Variants in STIL observed in about 807,000 individuals in gnomAD.
The protein encoded by STIL is SCL-interrupting locus protein.
Under a neutral mutation model 110.1 loss-of-function variants are expected in STIL, and 55 were observed. The ratio of observed to expected loss-of-function variants is 0.50; its 90% CI spans 0.40 to 0.63. The LOEUF is 0.63. Among genes scored for constraint, STIL ranks in the 20% least tolerant of loss-of-function variants. The probability of loss-of-function intolerance (pLI) is 0.00; values close to 1 mark genes in which losing one functional copy is unlikely to be tolerated. For synonymous variants in STIL, 481 were observed against 530.0 expected, an observed-to-expected ratio of 0.91 and a Z score of 1.27; for missense variants, 1,358 against 1,530.0, an observed-to-expected ratio of 0.89 and a Z score of 1.87.
intron 3 of STIL, 22 bp downstream of exon 3, chr1:47,304,867 G>GA: frequency 1.3e-6 from 2 of 1,536,112 alleles, no homozygotes; most frequent in Non-Finnish European, 1.8e-6. Context: ...GGCTTGATTT[G>GA]AAAAAAAGAA....
intron 16 of STIL, among the ~76,000 whole-genome samples, chr1:47,258,651 T>C (rs1338575596): frequency 6.6e-6 from 1 of 152,102 alleles, no homozygotes; most frequent in Non-Finnish European, 1.5e-5. Flanking sequence ...GGAAGATTGC[T>C]TGAGTCTAAG....
chr1:47,306,474 G>A (rs1420806804), intron 2 of STIL, among the ~76,000 whole-genome samples: 1 of 152,020 alleles, frequency 6.6e-6, no homozygotes, highest in Admixed American at 6.6e-5. Flanking sequence ...GGCTGGTCTT[G>A]AACTCATGGT....
chr1:47,268,797 T>C (rs1644733461), intron 14 of STIL, among the ~76,000 whole-genome samples: 2 of 148,176 alleles, frequency 1.3e-5, no homozygotes, highest in Non-Finnish European at 3.0e-5. Flanking sequence ...ATAAATTAAA[T>C]AAAAGAAATT....
At chr1:47,267,975 A>G (rs1644703807) in intron 14 of STIL, among the ~76,000 whole-genome samples, 1 of 152,212 alleles carries the variant, frequency 6.6e-6, no homozygotes, top group Admixed American at 6.5e-5. Flanking sequence ...AAATCACCAT[A>G]TACAATCAGT....
At chr1:47,292,483 G>A (rs1570226908) in intron 8 of STIL, among the ~76,000 whole-genome samples, 1 of 152,112 alleles carries the variant, frequency 6.6e-6, no homozygotes, top group East Asian at 1.9e-4. Context: ...ACCACTATCT[G>A]CAAGACAAAA....
chr1:47,268,471 T>C (rs1263422301), intron 14 of STIL, among the ~76,000 whole-genome samples: 4 of 151,632 alleles, frequency 2.6e-5, no homozygotes, highest in Non-Finnish European at 4.4e-5. Flanking sequence ...TAAAATAAAA[T>C]AGGCTGGGCA....
intron 12 of STIL, among the ~76,000 whole-genome samples, chr1:47,277,488 G>A (rs1417457130): frequency 1.3e-5 from 2 of 152,158 alleles, no homozygotes; most frequent in African/African-American, 4.8e-5. Context: ...AACAAACAAC[G>A]ACGGTATGGT....
intron 16 of STIL, among the ~76,000 whole-genome samples, chr1:47,254,461 T>C (rs1009062141): frequency 1.3e-5 from 2 of 152,156 alleles, no homozygotes; most frequent in East Asian, 3.8e-4. Context: ...TGTAAATAAT[T>C]TGATAAAAGC....
chr1:47,256,252 G>A (rs1644323771), intron 16 of STIL, among the ~76,000 whole-genome samples: 1 of 152,156 alleles, frequency 6.6e-6, no homozygotes, highest in South Asian at 2.1e-4. Context: ...ACCTGAGTAG[G>A]AGGAATGTCG....
chr1:47,285,756 G>A (rs1224891102), intron 10 of STIL, among the ~76,000 whole-genome samples: 1 of 152,040 alleles, frequency 6.6e-6, no homozygotes, highest in East Asian at 1.9e-4. Flanking sequence ...ACCGGGCCTG[G>A]CCGAGAATAT....
intron 4 of STIL, 91 bp downstream of exon 4, chr1:47,302,143 A>T: frequency 1.1e-6 from 1 of 924,272 alleles, no homozygotes. Flanking sequence ...CTGGTCTTAA[A>T]CTCCTAGGTT....
chr1:47,257,845 T>C (rs182544215), intron 16 of STIL, among the ~76,000 whole-genome samples: 2 of 152,352 alleles, frequency 1.3e-5, no homozygotes, highest in Admixed American at 6.5e-5. Flanking sequence ...TATCAGGTTA[T>C]CTTGTGTATT....
In STIL at chr1:47,310,260, A is replaced by T; in HGVS notation, c.44+16T>A. 1 of 1,609,872 alleles carries T rather than the reference A, an allele frequency of 6.2e-7. No individual in the cohort carries two copies. The highest frequency in any genetic ancestry group is 2.2e-5 in the East Asian group (1 of 44,776). ...GAAAAGCTGTAAGACAAATATTTGT[A>T]AATATACTTCTATACCTGGTATTCA... is the stretch of plus-strand genomic sequence containing the variant. On this transcript the variant is annotated intron_variant, in intron 2 of 16. Transcript: ENST00000371877.
intron 12 of STIL, among the ~76,000 whole-genome samples, chr1:47,279,012 G>C (rs2148952686): frequency 6.6e-6 from 1 of 152,046 alleles, no homozygotes; most frequent in African/African-American, 2.4e-5. Flanking sequence ...AAAATCATAT[G>C]TATGGCCGGG....
intron 1 of STIL, among the ~76,000 whole-genome samples, chr1:47,313,829 C>A (rs1646211250): frequency 6.6e-6 from 1 of 152,214 alleles, no homozygotes; most frequent in South Asian, 2.1e-4. Flanking sequence ...TTATCGACTG[C>A]AAACCTCTTT....
chr1:47,314,300 G>C (rs887647201), upstream of STIL, among the ~76,000 whole-genome samples: 2 of 152,258 alleles, frequency 1.3e-5, no homozygotes, highest in Non-Finnish European at 2.9e-5. Flanking sequence ...GCCCCGCACT[G>C]GTTCCGCGCT....
intron 9 of STIL, among the ~76,000 whole-genome samples, chr1:47,288,488 A>T (rs1296609505): frequency 6.6e-6 from 1 of 151,698 alleles, no homozygotes; most frequent in Non-Finnish European, 1.5e-5. Flanking sequence ...GTAGAGACAG[A>T]GTTTCACCAT....
intron 10 of STIL, 112 bp downstream of exon 10, chr1:47,287,439 A>G (rs1426273091): frequency 1.4e-6 from 1 of 718,086 alleles, no homozygotes; most frequent in African/African-American, 1.8e-5. Flanking sequence ...TTTATGGTAC[A>G]TAAGATTTAA....
intron 2 of STIL, among the ~76,000 whole-genome samples, chr1:47,309,079 A>G (rs1646049061): frequency 6.6e-6 from 1 of 152,038 alleles, no homozygotes; most frequent in South Asian, 2.1e-4. Context: ...AATAATAATT[A>G]AAAGTGTACA....
Sources: allele counts gnomAD v4.1 joint callset (sites outside exome capture counted in the v4.1 genomes callset), GRCh38; gene constraint gnomAD v4.1.1; transcripts MANE v1.5; gene names NCBI Gene and HGNC (gene_info 2026-07-23, HGNC 2026-07-21).